Variants in LHFPL6 observed in about 807,000 individuals in gnomAD.
The protein encoded by LHFPL6 is LHFPL tetraspan subfamily member 6 protein.
LHFPL6 carries 9 observed loss-of-function variants against 20.6 expected under a neutral mutation model. The ratio of observed to expected loss-of-function variants is 0.44; its 90% CI spans 0.26 to 0.76. The LOEUF (loss-of-function observed/expected upper bound fraction) is 0.76, where lower values mean the gene tolerates loss of function less well. LHFPL6 is among the 30% of genes least tolerant of loss of function. LHFPL6 has a pLI of 0.20. For synonymous variants in LHFPL6, 105 were observed against 98.7 expected (o/e 1.06, Z -0.38); for missense variants, 218 against 253.5 (o/e 0.86, Z 0.95).
At chr13:39,537,753 T>G (rs1870664582) in intron 2 of LHFPL6, among the ~76,000 whole-genome samples, 1 of 151,936 alleles carries the variant, frequency 6.6e-6, no homozygotes, top group African/African-American at 2.4e-5. Flanking sequence ...AGCACAATTA[T>G]CAGGAAAATA....
intron 2 of LHFPL6, among the ~76,000 whole-genome samples, chr13:39,536,949 T>C (rs1870637703): frequency 6.6e-6 from 1 of 152,226 alleles, no homozygotes. Flanking sequence ...CCTATTCTAA[T>C]ACATCCATAT....
At chr13:39,485,193 T>C (rs1467829452) in intron 2 of LHFPL6, among the ~76,000 whole-genome samples, 3 of 152,174 alleles carry the variant, frequency 2.0e-5, no homozygotes, top group African/African-American at 7.2e-5. Flanking sequence ...AAAATCATGC[T>C]GCATACAAAA....
intron 2 of LHFPL6, among the ~76,000 whole-genome samples, chr13:39,413,838 C>A (rs1871291167): frequency 6.6e-6 from 1 of 152,170 alleles, no homozygotes; most frequent in Admixed American, 6.5e-5. Context: ...ATCACCACCC[C>A]TTCCCAAGGG....
chr13:39,529,747 T>C (rs1593350953), intron 2 of LHFPL6, among the ~76,000 whole-genome samples: 1 of 152,236 alleles, frequency 6.6e-6, no homozygotes, highest in African/African-American at 2.4e-5. Context: ...TCTATTCTAC[T>C]TGCACTTTTG....
intron 3 of LHFPL6, among the ~76,000 whole-genome samples, chr13:39,352,046 G>A (rs1045702017): frequency 6.6e-5 from 10 of 152,312 alleles, no homozygotes; most frequent in Middle Eastern, 3.4e-3. Flanking sequence ...CAACAGCATG[G>A]TTTCAATTGC....
At chr13:39,407,831 C>T (rs1053451689) in intron 2 of LHFPL6, among the ~76,000 whole-genome samples, 24 of 152,202 alleles carry the variant, frequency 1.6e-4, no homozygotes, top group African/African-American at 4.8e-4. Context: ...AAAGTTGACT[C>T]ATTTAATTAG....
intron 2 of LHFPL6, among the ~76,000 whole-genome samples, chr13:39,538,496 C>A (rs1870696547): frequency 6.8e-6 from 1 of 146,330 alleles, no homozygotes. Context: ...TAGATGACAC[C>A]ACTCAAAAGC....
intron 2 of LHFPL6, among the ~76,000 whole-genome samples, chr13:39,567,651 A>G (rs1332745413): frequency 6.6e-6 from 1 of 152,002 alleles, no homozygotes; most frequent in Non-Finnish European, 1.5e-5. Context: ...ACTCTTTGAA[A>G]ACACATAAAC....
intron 2 of LHFPL6, among the ~76,000 whole-genome samples, chr13:39,532,613 TC>T (rs1870498989): frequency 2.0e-5 from 3 of 152,204 alleles, no homozygotes; most frequent in Admixed American, 2.0e-4. Context: ...CATGGTGTCT[TC>T]TATGAGTTAA....
chr13:39,466,039 A>G (rs1872798370), intron 2 of LHFPL6, among the ~76,000 whole-genome samples: 1 of 152,064 alleles, frequency 6.6e-6, no homozygotes, highest in Non-Finnish European at 1.5e-5. Flanking sequence ...GCTCTTGGAA[A>G]ATCACTCCCT....
chr13:39,539,972 TAA>T (rs1249197888), intron 2 of LHFPL6, among the ~76,000 whole-genome samples: 2 of 152,204 alleles, frequency 1.3e-5, no homozygotes, highest in Non-Finnish European at 2.9e-5. Flanking sequence ...ACTTAGTTCT[TAA>T]AAGAGTTTCA....
intron 2 of LHFPL6, among the ~76,000 whole-genome samples, chr13:39,446,310 T>C (rs1872288750): frequency 6.6e-6 from 1 of 152,186 alleles, no homozygotes; most frequent in South Asian, 2.1e-4. Flanking sequence ...CTGTGCACTG[T>C]AACTCCTACC....
chr13:39,540,634 G>A (rs1287519466), intron 2 of LHFPL6, among the ~76,000 whole-genome samples: 1 of 152,022 alleles, frequency 6.6e-6, no homozygotes, highest in Non-Finnish European at 1.5e-5. Context: ...AAGTTTTGGG[G>A]GGCTAACAAT....
Position 39,441,137 on chromosome 13 carries a change from ATTTTTTTTTTTTTTTTTT to A in LHFPL6, c.386-62629_386-62612del, listed in dbSNP as rs57695621. Among the ~76,000 whole-genome samples the A allele has an allele frequency of 1.7e-4, 16 of 91,450 alleles. 1 individual carries two copies. In the Admixed American group the frequency reaches 2.1e-3, roughly 12 times the overall value. The allele number at this position is 91,450 out of a possible 152,430, so 60.0% of individuals were successfully genotyped here. On this transcript the variant is annotated intron_variant, in intron 2 of 3. Transcript: ENST00000379589. Reference sequence around the variant, plus strand: ...CAGGCATGTGCCACCATGCCAACTAATTTTTTTTTTTTTTTTTTTTTTTTTTTTTGGAGAAAGGCTCTC... The same window carrying A: ...CAGGCATGTGCCACCATGCCAACTAATTTTTTTTTTTGGAGAAAGGCTCTC...
At chr13:39,489,571 G>A (rs555829615) in intron 2 of LHFPL6, among the ~76,000 whole-genome samples, 5 of 151,566 alleles carry the variant, frequency 3.3e-5, no homozygotes, top group Admixed American at 2.0e-4. Context: ...GGAGGGGAGC[G>A]GGGGATAGGG....
intron 2 of LHFPL6, among the ~76,000 whole-genome samples, chr13:39,568,977 A>G (rs145411660): frequency 6.6e-6 from 1 of 152,290 alleles, no homozygotes; most frequent in African/African-American, 2.4e-5. Context: ...GGTGCTTAAA[A>G]CCATTTCCCA....
chr13:39,380,898 T>C (rs1394204629), intron 2 of LHFPL6, among the ~76,000 whole-genome samples: 1 of 150,362 alleles, frequency 6.7e-6, no homozygotes, highest in Non-Finnish European at 1.5e-5. Context: ...GATCTGTCAC[T>C]GTCTCCCATC....
chr13:39,496,346 A>T (rs1869100711), intron 2 of LHFPL6, among the ~76,000 whole-genome samples: 1 of 152,138 alleles, frequency 6.6e-6, no homozygotes, highest in Non-Finnish European at 1.5e-5. Context: ...CTCAACCCTC[A>T]TGACTTAATC....
At position 39,569,156 on chromosome 13, in the gene LHFPL6, C is replaced by CGGACGGATGGAT. The variant is rs754156552; in HGVS notation, c.385+31675_385+31676insATCCATCCGTCC. ...ATGGATGGATGGATGGATGGACGGA[C>CGGACGGATGGAT]GGATGGATGGATGGATGGATGGATG... On this transcript the variant is annotated intron_variant, in intron 2 of 3. Transcript: ENST00000379589. Among the ~76,000 whole-genome samples, 192 of 97,354 alleles carry CGGACGGATGGAT rather than the reference C, an allele frequency of 2.0e-3. 3 individuals carry two copies. Among genetic ancestry groups the CGGACGGATGGAT allele is most frequent in the Admixed American group, 0.012 (125 of 10,164 alleles). 63.9% of individuals were successfully genotyped at this position (97,354 alleles called of 152,430 possible). A position where few individuals can be genotyped will look rare whatever the true frequency, so the allele number is the denominator to read the frequency against.
Sources: allele counts gnomAD v4.1 joint callset (sites outside exome capture counted in the v4.1 genomes callset), GRCh38; gene constraint gnomAD v4.1.1; transcripts MANE v1.5; gene names NCBI Gene and HGNC (gene_info 2026-07-23, HGNC 2026-07-21).